The following CFTR variants were observed in gnomAD, a reference collection of about 807,000 sequenced individuals.
CFTR encodes the protein CF transmembrane conductance regulator, also known as cystic fibrosis transmembrane conductance regulator.
A neutral mutation model predicts 171.6 loss-of-function variants in CFTR; 181 were observed. That is an observed-to-expected ratio of 1.05 (90% confidence interval 0.93 to 1.19). The LOEUF (loss-of-function observed/expected upper bound fraction) is 1.19. CFTR is among the 50% of genes most tolerant of loss of function. The pLI is 0.00. For synonymous variants in CFTR, 583 were observed against 608.0 expected, an observed-to-expected ratio of 0.96 and a Z score of 0.60; for missense variants, 1,968 against 1,734.7, an observed-to-expected ratio of 1.13 and a Z score of -2.39.
chr7:117,508,317 A>C (rs1422928407), intron 2 of CFTR, among the ~76,000 whole-genome samples: 2 of 152,218 alleles, frequency 1.3e-5, no homozygotes, highest in Non-Finnish European at 2.9e-5. Context: ...ATAACTTAAT[A>C]AATACAATCA....
At chr7:117,564,938 T>C (rs1373956188) in intron 11 of CFTR, among the ~76,000 whole-genome samples, 2 of 152,238 alleles carry the variant, frequency 1.3e-5, no homozygotes, top group Non-Finnish European at 2.9e-5. Context: ...TCTGTGTTGA[T>C]AGAAAACTTG....
intron 11 of CFTR, among the ~76,000 whole-genome samples, chr7:117,567,118 G>A (rs893520718): frequency 3.3e-5 from 5 of 152,118 alleles, no homozygotes; most frequent in South Asian, 2.1e-4. Flanking sequence ...GTTTTCCAAA[G>A]ATAAAAGCCA....
chr7:117,666,860 G>T (rs761914845), intron 26 of CFTR, 48 bp from the exon 27 acceptor site: 2 of 1,553,338 alleles, frequency 1.3e-6, no homozygotes, highest in African/African-American at 1.4e-5. Context: ...CCCTGCTCTG[G>T]TCTGACCTGC....
chr7:117,605,664 AC>A (rs1395090256), intron 17 of CFTR, among the ~76,000 whole-genome samples: 2 of 152,106 alleles, frequency 1.3e-5, no homozygotes, highest in African/African-American at 4.8e-5. Flanking sequence ...ATAGATTTTG[AC>A]AATGAGAGCT....
intron 11 of CFTR, among the ~76,000 whole-genome samples, chr7:117,576,909 A>G (rs183004945): frequency 6.3e-4 from 96 of 152,228 alleles, no homozygotes; most frequent in Non-Finnish European, 1.9e-4. Context: ...GCCTGCAATA[A>G]TTAAGCTTGC....
chr7:117,628,956 G>C (rs1057219763), intron 22 of CFTR, among the ~76,000 whole-genome samples: 2 of 151,986 alleles, frequency 1.3e-5, no homozygotes, highest in African/African-American at 2.4e-5. Context: ...AGAAAGCCTT[G>C]ATAAATTGAC....
intron 24 of CFTR, among the ~76,000 whole-genome samples, chr7:117,660,806 G>A (rs757278072): frequency 6.6e-5 from 10 of 151,658 alleles, no homozygotes; most frequent in African/African-American, 9.7e-5. Context: ...CTGTTTGTTT[G>A]TTTTTTGCCC....
intron 11 of CFTR, among the ~76,000 whole-genome samples, chr7:117,571,785 AAC>A (rs1743535482): frequency 6.6e-6 from 1 of 152,106 alleles, no homozygotes; most frequent in Non-Finnish European, 1.5e-5. Context: ...AAAGATATTA[AAC>A]AGAGTTACAT....
At chr7:117,550,934 G>GT (rs1799259152) in intron 10 of CFTR, among the ~76,000 whole-genome samples, 1 of 151,974 alleles carries the variant, frequency 6.6e-6, no homozygotes, top group Admixed American at 6.6e-5. Context: ...ACACTTTATA[G>GT]TTTTTTTTGG....
At chr7:117,604,037 GA>G (rs1397249684) in intron 17 of CFTR, among the ~76,000 whole-genome samples, 1 of 152,214 alleles carries the variant, frequency 6.6e-6, no homozygotes, top group Non-Finnish European at 1.5e-5. Context: ...AGCAGAACAA[GA>G]AGGCCCTTAT....
At chr7:117,664,916 C>T (rs1793348728) in intron 25 of CFTR, 56 bp downstream of exon 25, 1 of 1,552,524 alleles carries the variant, frequency 6.4e-7, no homozygotes, top group African/African-American at 1.4e-5. Flanking sequence ...ATCATTATGC[C>T]TGCTTCATGG....
chr7:117,504,862 A>AT (rs201446041), intron 2 of CFTR, among the ~76,000 whole-genome samples: 1,775 of 151,938 alleles, frequency 0.012, 18 homozygotes, highest in Middle Eastern at 0.027. Context: ...CTAAGAAATG[A>AT]TTTTTTTTCC....
chr7:117,562,292 A>T (rs1791517399), intron 11 of CFTR, among the ~76,000 whole-genome samples: 1 of 152,160 alleles, frequency 6.6e-6, no homozygotes, highest in African/African-American at 2.4e-5. Flanking sequence ...TGTGCAGAAA[A>T]GATGGAGGTT....
At chr7:117,517,048 A>G (rs1798605896) in intron 3 of CFTR, among the ~76,000 whole-genome samples, 1 of 152,134 alleles carries the variant, frequency 6.6e-6, no homozygotes, top group Non-Finnish European at 1.5e-5. Context: ...TCTATAAAAC[A>G]TGTTCTATCC....
chr7:117,631,334 G>C (rs1792741496), intron 22 of CFTR, among the ~76,000 whole-genome samples: 1 of 152,032 alleles, frequency 6.6e-6, no homozygotes, highest in Admixed American at 6.6e-5. Context: ...GAGAAATACA[G>C]GTGAATAACA....
chr7:117,510,776 A>C (rs1798505424), intron 3 of CFTR, among the ~76,000 whole-genome samples: 1 of 152,220 alleles, frequency 6.6e-6, no homozygotes, highest in African/African-American at 2.4e-5. Context: ...ATGCCAAAAA[A>C]TAAACATGAT....
chr7:117,638,999 T>TG (rs958526578), intron 22 of CFTR, among the ~76,000 whole-genome samples: 4 of 152,014 alleles, frequency 2.6e-5, no homozygotes, highest in Admixed American at 6.6e-5. Context: ...CTGCCCTTCT[T>TG]GGGGGGGAAA....
intron 15 of CFTR, among the ~76,000 whole-genome samples, chr7:117,597,129 A>G (rs1365196675): frequency 6.6e-6 from 1 of 152,174 alleles, no homozygotes; most frequent in Admixed American, 6.5e-5. Context: ...TGTTCTTTGC[A>G]ATAAATTTTG....
At chr7:117,665,599 C>T in intron 26 of CFTR, 35 bp downstream of exon 26, 1 of 1,245,454 alleles carries the variant, frequency 8.0e-7, no homozygotes, top group Non-Finnish European at 1.2e-6. Flanking sequence ...GATCTCATTG[C>T]CCTTGTAATT....
Sources: gnomAD v4.1 joint callset for allele counts (sites outside exome capture counted in the v4.1 genomes callset) on GRCh38, gnomAD v4.1.1 for gene constraint, MANE v1.5 for transcripts, NCBI Gene and HGNC (gene_info 2026-07-23, HGNC 2026-07-21) for gene names.